ARSD: variants seen among roughly 807,000 people sequenced by gnomAD.
ARSD encodes the protein arylsulfatase D, also known as testis tissue sperm-binding protein Li 39a.
A neutral mutation model predicts 32.6 loss-of-function variants in ARSD; 21 were observed. The observed-to-expected ratio is 0.64, with a 90% CI of 0.46 to 0.93. The LOEUF (loss-of-function observed/expected upper bound fraction) is 0.93. Among genes scored for constraint, ARSD ranks in the 40% least tolerant of loss-of-function variants. The pLI is 0.00. For missense variants in ARSD, 454 were observed against 520.9 expected (o/e 0.87, Z 1.25); for synonymous variants, 224 against 237.4 (o/e 0.94, Z 0.52).
intron 1 of ARSD, among the ~76,000 whole-genome samples, chrX:2,925,983 G>C (rs2089079273): frequency 8.9e-6 from 1 of 111,890 alleles, no homozygotes; most frequent in African/African-American, 3.3e-5. Flanking sequence ...GCGAGATGCA[G>C]ATGAATTGGG....
intron 1 of ARSD, among the ~76,000 whole-genome samples, chrX:2,926,840 G>C (rs982134242): frequency 3.6e-5 from 4 of 111,122 alleles, no homozygotes; most frequent in Non-Finnish European, 7.5e-5. Context: ...TGCTGCCCAG[G>C]CTGTAGTGGC....
chrX:2,912,568 C>T (rs1350361189), intron 6 of ARSD, among the ~76,000 whole-genome samples: 2 of 111,597 alleles, frequency 1.8e-5, no homozygotes, highest in Admixed American at 9.6e-5. Context: ...AAATATTTTA[C>T]GGAGTTTGAC....
In ARSD at chrX:2,918,169, C is replaced by T; in HGVS notation, c.498G>A (p.Leu166=). The change falls in exon 5 of 10, where the codon CTG becomes CTA. Residue 166 remains leucine (L), a synonymous_variant. Transcript: ENST00000381154. ...ASRGDHCHHP[L]NHGFDYFYGM... ...CGTAGAAATAGTCAAATCCGTGGTT[C>T]AGGGGGTGGTGGCAGTGATCCCCGC... The T allele has an allele frequency of 1.7e-6, 2 of 1,194,690 alleles. No homozygotes were observed. The highest frequency in any genetic ancestry group is 2.3e-6 in the Non-Finnish European group (2 of 884,959).
chrX:2,910,870 G>A (rs2088895891), intron 6 of ARSD, 77 bp from the exon 7 acceptor site: 18 of 1,097,723 alleles, frequency 1.6e-5, no homozygotes, highest in African/African-American at 3.7e-5. Flanking sequence ...CTTCCTTTCT[G>A]CAGGAGACAC....
intron 6 of ARSD, among the ~76,000 whole-genome samples, chrX:2,911,686 GA>G (rs112616301): frequency 0.087 from 7,541 of 86,932 alleles, 479 homozygotes; most frequent in East Asian, 0.45. Flanking sequence ...AAAAAAAAAA[GA>G]AAAAAAAAAC....
At chrX:2,917,605 C>G (rs2088975103) in intron 5 of ARSD, among the ~76,000 whole-genome samples, 199 bp downstream of exon 5, 2 of 110,696 alleles carry the variant, frequency 1.8e-5, no homozygotes, top group African/African-American at 3.3e-5. Context: ...TCCTGAGTAG[C>G]TGGCATTGCA....
chrX:2,908,988 C>A, intron 8 of ARSD, 146 bp from the exon 9 acceptor site: 1 of 911,619 alleles, frequency 1.1e-6, no homozygotes, highest in Non-Finnish European at 1.5e-6. Flanking sequence ...GTTCAGATTA[C>A]AGGTTGCTGA....
At chrX:2,918,404 C>T (rs1246345025) in intron 4 of ARSD, among the ~76,000 whole-genome samples, 177 bp from the exon 5 acceptor site, 1 of 112,695 alleles carries the variant, frequency 8.9e-6, no homozygotes, top group African/African-American at 3.2e-5. Context: ...CATTCTGATC[C>T]GTGAAGACTA....
intron 1 of ARSD, among the ~76,000 whole-genome samples, chrX:2,927,708 T>G (rs1485710648): frequency 8.9e-6 from 1 of 112,251 alleles, no homozygotes; most frequent in East Asian, 2.8e-4. Flanking sequence ...TGATTTCGGG[T>G]CTAGTCTTCG....
At chrX:2,910,542 C>T (rs1395631404) in intron 7 of ARSD, 117 bp downstream of exon 7, 2 of 1,032,640 alleles carry the variant, frequency 1.9e-6, no homozygotes, top group African/African-American at 3.7e-5. Flanking sequence ...ACAGTAGGTG[C>T]TCAATGCATT....
rs1250947255 is a variant in ARSD, at chrX:2,914,430, G to A, written c.1000+1126C>T. On this transcript the variant is annotated intron_variant, in intron 6 of 9. Transcript: ENST00000381154. ...TTTTTTGTAGAGATGGGGGGGGGGG[G>A]CGTCTCACTATGTTGCCCAGGCTGG... 2.0e-5 allele frequency: 8 copies of A among 410,098 alleles called. No individual in the cohort carries two copies. In the African/African-American group the frequency reaches 2.5e-4, roughly 13 times the overall value. The allele number at this position is 410,098 out of a possible 1,213,427, so 33.8% of individuals were successfully genotyped here.
chrX:2,927,057 G>C (rs1201920905), intron 1 of ARSD, among the ~76,000 whole-genome samples: 1 of 108,643 alleles, frequency 9.2e-6, no homozygotes, highest in Non-Finnish European at 1.9e-5. Flanking sequence ...AGGCCATGGG[G>C]AGGGATCCGG....
chrX:2,914,431 C>T (rs1211158539), intron 6 of ARSD: 1 of 389,713 alleles, frequency 2.6e-6, no homozygotes, highest in Non-Finnish European at 3.3e-6. Flanking sequence ...GGGGGGGGGG[C>T]GTCTCACTAT....
At chrX:2,911,242 G>T (rs1324101552) in intron 6 of ARSD, among the ~76,000 whole-genome samples, 1 of 111,226 alleles carries the variant, frequency 9.0e-6, no homozygotes, top group African/African-American at 3.3e-5. Context: ...TGTGGGGGGT[G>T]CACGCCTGTA....
Position 2,910,634 on chromosome X carries a change from T to C in ARSD, c.1135+25A>G, listed in dbSNP as rs144786076. On this transcript the variant is annotated intron_variant, in intron 7 of 9. Coordinates refer to ENST00000381154, the MANE Select transcript of ARSD (RefSeq NM_001669.4). ...TGGCAGATATTTGGTCGAATGCATA[T>C]GTGTCCCCGATGTCCACAACTCACC... The C allele has an allele frequency of 7.4e-6, 9 of 1,209,507 alleles. No homozygotes were observed. In the African/African-American group the frequency reaches 1.6e-4, roughly 21 times the overall value.
intron 6 of ARSD, 45 bp downstream of exon 6, chrX:2,915,511 C>G (rs115030126): frequency 0.01 from 12,565 of 1,203,361 alleles, 82 homozygotes; most frequent in East Asian, 0.012. Flanking sequence ...TATGTTCAAA[C>G]CTGAGGCCGA....
chrX:2,910,628 T>C, intron 7 of ARSD, 31 bp downstream of exon 7: 1 of 1,210,871 alleles, frequency 8.3e-7, no homozygotes, highest in Non-Finnish European at 1.1e-6. Flanking sequence ...TTTGGTCGAA[T>C]GCATATGTGT....
intron 6 of ARSD, 22 bp downstream of exon 6, chrX:2,915,534 G>A (rs1321377791): frequency 4.1e-6 from 5 of 1,207,915 alleles, no homozygotes; most frequent in Non-Finnish European, 4.5e-6. Context: ...GTGGAGTGAG[G>A]CTCCATGGTA....
intron 6 of ARSD, among the ~76,000 whole-genome samples, chrX:2,912,670 T>C (rs2088912370): frequency 9.0e-6 from 1 of 111,485 alleles, no homozygotes; most frequent in Non-Finnish European, 1.9e-5. Context: ...TTTTTAAACA[T>C]AGTGCCGTGT....
Sources: allele counts gnomAD v4.1 joint callset (sites outside exome capture counted in the v4.1 genomes callset), GRCh38; gene constraint gnomAD v4.1.1; transcripts MANE v1.5; gene names NCBI Gene and HGNC (gene_info 2026-07-23, HGNC 2026-07-21).